FRYL: variants seen among roughly 807,000 people sequenced by gnomAD.
FRYL encodes the protein protein furry homolog-like.
In FRYL, 150 loss-of-function variants were observed where a neutral mutation model predicts 351.2. The ratio of observed to expected loss-of-function variants is 0.43; its 90% CI spans 0.37 to 0.49. The LOEUF (loss-of-function observed/expected upper bound fraction) is 0.49. FRYL is among the 20% of genes least tolerant of loss of function. FRYL has a pLI of 0.00. For synonymous variants in FRYL, 1,153 were observed against 1,257.1 expected, an observed-to-expected ratio of 0.92 and a Z score of 1.75; for missense variants, 3,036 against 3,619.3, an observed-to-expected ratio of 0.84 and a Z score of 4.13.
rs1766743880 is a variant in FRYL at position 48,701,741 on chromosome 4, C to G, written c.-204+8778G>C. On this transcript the variant is annotated intron_variant, in intron 2 of 63. Transcript: ENST00000358350. ...GAAGTCAGCTAAGCGGACAATGAGT[C>G]CAAAGGTATCTCAGATAAAAGCAGA... 2.0e-5 allele frequency among the ~76,000 whole-genome samples: 3 copies of G among 152,212 alleles called. No homozygotes were observed. The South Asian group carries it at 6.2e-4, about 32-fold the overall frequency.
chr4:48,764,190 A>G (rs1774708285), intron 1 of FRYL, among the ~76,000 whole-genome samples: 1 of 152,068 alleles, frequency 6.6e-6, no homozygotes, highest in East Asian at 1.9e-4. Context: ...AAATAAATAA[A>G]TAAATTAAAT....
intron 37 of FRYL, 99 bp from the exon 38 acceptor site, chr4:48,550,803 A>G (rs1201041948): frequency 1.2e-5 from 11 of 907,988 alleles, no homozygotes; most frequent in East Asian, 2.5e-5. Flanking sequence ...GACGGACGCC[A>G]TGGTTCAAGC....
chr4:48,539,616 C>T (rs1226456384), intron 47 of FRYL, among the ~76,000 whole-genome samples: 1 of 151,486 alleles, frequency 6.6e-6, no homozygotes, highest in African/African-American at 2.4e-5. Context: ...ACACTATCTA[C>T]TTTGCTTATC....
At chr4:48,505,268 AAAAGCCGACCTGGACT>A (rs2148721122) in intron 60 of FRYL, 1 of 383,002 alleles carries the variant, frequency 2.6e-6, no homozygotes, top group African/African-American at 2.0e-5. Flanking sequence ...CATGCAACTT[AAAAGCCGACCTGGACT>A]GTCCAGATAT....
At chr4:48,583,044 T>C (rs996408646) in intron 19 of FRYL, among the ~76,000 whole-genome samples, 1 of 151,944 alleles carries the variant, frequency 6.6e-6, no homozygotes, top group Admixed American at 6.5e-5. Context: ...TACTGTATTG[T>C]TATCTTATAA....
At chr4:48,707,732 C>T (rs986840351) in intron 2 of FRYL, among the ~76,000 whole-genome samples, 1 of 152,126 alleles carries the variant, frequency 6.6e-6, no homozygotes, top group Non-Finnish European at 1.5e-5. Context: ...CTTTGAGGCT[C>T]CAGTTCTGGT....
chr4:48,530,742 C>G (rs1387877275), intron 50 of FRYL, among the ~76,000 whole-genome samples: 1 of 152,164 alleles, frequency 6.6e-6, no homozygotes. Context: ...TTAACCTCCC[C>G]TCCCCAAACT....
Position 48,576,144 on chromosome 4 carries a change from G to T in FRYL, c.2607C>A (p.Ile869=), listed in dbSNP as rs548799940. The T allele has an allele frequency of 5.9e-5, 95 of 1,613,660 alleles. No homozygotes were observed. The highest frequency in any genetic ancestry group is 7.5e-5 in the Non-Finnish European group (89 of 1,179,870). Reference sequence around the variant, plus strand: ...ACGATGTTGCTGCACTGCAGCAAAGGATCAGATAGTTTCTCCACAGGCCAA... The same window carrying T: ...ACGATGTTGCTGCACTGCAGCAAAGTATCAGATAGTTTCTCCACAGGCCAA... ...SYIGLWRNYL[I]LCCSAATSSS... The change falls in exon 24 of 64, where the codon ATC becomes ATA. Residue 869 remains isoleucine, a synonymous_variant. Coordinates refer to ENST00000358350, the MANE Select transcript of FRYL (RefSeq NM_015030.2).
intron 3 of FRYL, among the ~76,000 whole-genome samples, chr4:48,643,381 C>T (rs1419590994): frequency 6.6e-6 from 1 of 152,204 alleles, no homozygotes; most frequent in Non-Finnish European, 1.5e-5. Context: ...GCTGCTTTCC[C>T]TTCCATCACT....
At chr4:48,652,924 T>G (rs1002686007) in intron 3 of FRYL, among the ~76,000 whole-genome samples, 1 of 152,214 alleles carries the variant, frequency 6.6e-6, no homozygotes, top group African/African-American at 2.4e-5. Context: ...TACTTCAATT[T>G]TCTTTGACCA....
chr4:48,526,097 G>C lies in FRYL; in HGVS notation c.7317+1380C>G, dbSNP rs139365472. Among the ~76,000 whole-genome samples, 353 of 151,708 alleles carry C rather than the reference G, an allele frequency of 2.3e-3. 1 individual carries two copies. The highest frequency in any genetic ancestry group is 4.0e-3 in the Non-Finnish European group (272 of 67,860). On this transcript the variant is annotated intron_variant, in intron 53 of 63. Transcript: ENST00000358350. ...TATGAGCTGTATATGAGTTGTATAT[G>C]TGTATGTATATGAGCTGATGAATGT...
chr4:48,540,702 T>TA lies in FRYL; in HGVS notation c.5945dup (p.Arg1983LysfsTer7). On this transcript the variant is annotated frameshift_variant, in exon 46 of 64. Coordinates refer to ENST00000358350, the MANE Select transcript of FRYL (RefSeq NM_015030.2). LOFTEE classifies it high-confidence loss of function. ...GCACGTCATACATTCCTTTCTCTCT[T>TA]AGAGAGGAAAGGCTTCTAGTCCTTG... 6.2e-7 allele frequency: 1 copy of TA among 1,613,928 alleles called. No homozygotes were observed. The highest frequency in any genetic ancestry group is 8.5e-7 in the Non-Finnish European group (1 of 1,179,830).
intron 59 of FRYL, chr4:48,506,654 ATATATATAT>A (rs1721089672): frequency 1.0e-5 from 1 of 97,690 alleles, no homozygotes; most frequent in African/African-American, 3.3e-5. Context: ...ATATATATAT[ATATATATAT>A]ATATATGAAA....
chr4:48,589,613 G>A lies in FRYL; in HGVS notation c.1640+132C>T. Reference sequence around the variant, plus strand: ...AACTGAGTGTGTGGAAGGAATCACTGTATTGAAAACTGCAGCAGATAGAAA... The same window carrying A: ...AACTGAGTGTGTGGAAGGAATCACTATATTGAAAACTGCAGCAGATAGAAA... On this transcript the variant is annotated intron_variant, in intron 18 of 63. Transcript: ENST00000358350. The A allele has an allele frequency of 5.1e-6, 4 of 789,062 alleles. No individual in the cohort carries two copies. In the South Asian group the frequency reaches 7.1e-5, roughly 14 times the overall value. 48.9% of individuals were successfully genotyped at this position (789,062 alleles called of 1,614,324 possible). A position where few individuals can be genotyped will look rare whatever the true frequency, so the allele number is the denominator to read the frequency against.
intron 47 of FRYL, among the ~76,000 whole-genome samples, chr4:48,537,597 A>T (rs996318523): frequency 9.9e-5 from 15 of 152,242 alleles, no homozygotes; most frequent in Non-Finnish European, 2.1e-4. Context: ...CACATCCTGC[A>T]GGTTGCTAAA....
intron 16 of FRYL, among the ~76,000 whole-genome samples, chr4:48,592,001 C>T (rs1437688934): frequency 6.7e-6 from 1 of 150,134 alleles, no homozygotes; most frequent in African/African-American, 2.5e-5. Context: ...TGATCTACAC[C>T]AGTGGTCTCT....
chr4:48,688,034 A>G (rs898999398), intron 2 of FRYL, among the ~76,000 whole-genome samples: 3 of 152,178 alleles, frequency 2.0e-5, no homozygotes, highest in African/African-American at 7.2e-5. Context: ...ATGGTAAATT[A>G]CCTCAAAGAT....
At chr4:48,711,241 C>T (rs943629569) in intron 1 of FRYL, among the ~76,000 whole-genome samples, 24 of 152,300 alleles carry the variant, frequency 1.6e-4, no homozygotes, top group East Asian at 1.2e-3. Context: ...GCACCGTGCG[C>T]GAGCCGAAGC....
rs534975305 is a variant in FRYL at position 48,715,378 on chromosome 4, C to A, written c.-383-4680G>T. 2.4e-3 allele frequency among the ~76,000 whole-genome samples: 366 copies of A among 152,236 alleles called. 3 individuals are homozygous for A. The highest frequency in any genetic ancestry group is 4.0e-3 in the Non-Finnish European group (271 of 67,996). On this transcript the variant is annotated intron_variant, in intron 1 of 63. Transcript: ENST00000358350. The stretch of plus-strand genomic sequence containing the variant: ...CGATTGTATATCTAGAAAACCCCAT[C>A]GTCTCAGCCCAAAATCTCCTCAAGG...
Sources: allele counts gnomAD v4.1 joint callset (sites outside exome capture counted in the v4.1 genomes callset), GRCh38; gene constraint gnomAD v4.1.1; transcripts MANE v1.5; gene names NCBI Gene and HGNC (gene_info 2026-07-23, HGNC 2026-07-21).